The following TCTN2 variants were observed in gnomAD, a reference collection of about 807,000 sequenced individuals.
The protein encoded by TCTN2 is tectonic family member 2.
Under a neutral mutation model 83.4 loss-of-function variants are expected in TCTN2, and 66 were observed. The ratio of observed to expected loss-of-function variants is 0.79; its 90% CI spans 0.65 to 0.97. TCTN2 has a LOEUF of 0.97. Among genes scored for constraint, TCTN2 ranks in the 50% least tolerant of loss-of-function variants. TCTN2 has a pLI of 0.00. For synonymous variants in TCTN2, 301 were observed against 326.7 expected (o/e 0.92, Z 0.85); for missense variants, 794 against 858.1 (o/e 0.93, Z 0.93).
chr12:123,692,972 C>T (rs1486423912), intron 9 of TCTN2, among the ~76,000 whole-genome samples: 1 of 151,164 alleles, frequency 6.6e-6, no homozygotes, highest in African/African-American at 2.4e-5. Context: ...CCTTCTAGTT[C>T]CAGCTTCCGT....
chr12:123,701,942 G>T (rs1037548240), intron 14 of TCTN2, among the ~76,000 whole-genome samples: 2 of 152,126 alleles, frequency 1.3e-5, no homozygotes, highest in Non-Finnish European at 2.9e-5. Context: ...TCTTCATCAG[G>T]CCTGATTTCA....
At chr12:123,691,545 C>T (rs112177077) in intron 8 of TCTN2, among the ~76,000 whole-genome samples, 1,956 of 152,236 alleles carry the variant, frequency 0.013, 41 homozygotes, top group African/African-American at 0.044. Context: ...TTGTCCATTC[C>T]TCAGTTGATG....
intron 4 of TCTN2, among the ~76,000 whole-genome samples, chr12:123,678,488 A>T (rs957990111): frequency 2.6e-5 from 4 of 152,130 alleles, no homozygotes; most frequent in Admixed American, 6.5e-5. Flanking sequence ...GGGTTTCACT[A>T]TGTTGGCCAG....
rs1248930870 is a variant in TCTN2 at position 123,673,592 on chromosome 12, AT to A, written c.268-22del. 1.9e-6 allele frequency: 3 copies of A among 1,613,648 alleles called. No individual in the cohort carries two copies. The South Asian group carries it at 3.3e-5, about 18-fold the overall frequency. ...GACCCTGTTTTGAGTCACTTTAAAAATACAGCAATGTTTTCCTTTCAGAAGG... is the reference window on the plus strand; with the variant it reads ...GACCCTGTTTTGAGTCACTTTAAAAAACAGCAATGTTTTCCTTTCAGAAGG... On this transcript the variant is annotated intron_variant, in intron 3 of 17. Coordinates refer to ENST00000303372, the MANE Select transcript of TCTN2 (RefSeq NM_024809.5).
chr12:123,700,611 T>A (rs1166743810), intron 14 of TCTN2, among the ~76,000 whole-genome samples: 8 of 152,034 alleles, frequency 5.3e-5, no homozygotes, highest in South Asian at 2.1e-4. Flanking sequence ...TTGTATTTTT[T>A]AAATAGAGAC....
chr12:123,708,096 C>G lies in TCTN2; in HGVS notation c.*383C>G. ...AATCTCGGCTCACTGCAATCTCTGC[C>G]TCCCAAGCAATCCTCCCACCTCAGC... On this transcript the variant is annotated 3_prime_UTR_variant, in exon 18 of 18. Transcript: ENST00000303372. 4.0e-6 allele frequency: 1 copy of G among 249,814 alleles called. No individual in the cohort carries two copies. The highest frequency in any genetic ancestry group is 5.3e-5 in the Admixed American group (1 of 18,860). 15.5% of individuals were successfully genotyped at this position (249,814 alleles called of 1,614,324 possible).
At chr12:123,689,327 A>T (rs1436075934) in intron 7 of TCTN2, among the ~76,000 whole-genome samples, 1 of 151,974 alleles carries the variant, frequency 6.6e-6, no homozygotes, top group African/African-American at 2.4e-5. Context: ...ATGTGCTGGG[A>T]TTACAGGCTT....
At chr12:123,692,386 A>C (rs1314179840) in intron 8 of TCTN2, among the ~76,000 whole-genome samples, 1 of 152,206 alleles carries the variant, frequency 6.6e-6, no homozygotes, top group Non-Finnish European at 1.5e-5. Context: ...TATTGCCACC[A>C]GCAGTGAACT....
At chr12:123,683,648 A>AT (rs578140725) in intron 5 of TCTN2, among the ~76,000 whole-genome samples, 7 of 149,558 alleles carry the variant, frequency 4.7e-5, no homozygotes, top group African/African-American at 1.7e-4. Context: ...CACATTTAAA[A>AT]TTTTTTTTGA....
intron 14 of TCTN2, among the ~76,000 whole-genome samples, chr12:123,702,378 A>G (rs73418174): frequency 6.6e-6 from 1 of 152,104 alleles, no homozygotes; most frequent in Non-Finnish European, 1.5e-5. Flanking sequence ...ACAACGGCCC[A>G]TACAGACACA....
At chr12:123,705,913 C>T (rs187335247) in intron 15 of TCTN2, among the ~76,000 whole-genome samples, 3 of 148,494 alleles carry the variant, frequency 2.0e-5, no homozygotes, top group Admixed American at 1.4e-4. Flanking sequence ...TGTGGCACCT[C>T]GCCTGGCTAA....
chr12:123,692,889 C>T (rs1233329777), intron 9 of TCTN2, among the ~76,000 whole-genome samples, 166 bp downstream of exon 9: 1 of 152,104 alleles, frequency 6.6e-6, no homozygotes, highest in Admixed American at 6.6e-5. Context: ...TTCTGTCCTG[C>T]TGGGCTTTAG....
intron 5 of TCTN2, among the ~76,000 whole-genome samples, chr12:123,683,840 C>CACCTA (rs1259322451): frequency 6.6e-6 from 1 of 152,066 alleles, no homozygotes. Flanking sequence ...GGGGTTTCAC[C>CACCTA]GTATTAACTA....
chr12:123,693,587 G>A (rs1174669153), intron 9 of TCTN2, among the ~76,000 whole-genome samples: 2 of 150,314 alleles, frequency 1.3e-5, no homozygotes, highest in African/African-American at 4.9e-5. Context: ...CAAGTAGCTG[G>A]GATTACAGGT....
chr12:123,681,324 C>A (rs768923494), intron 5 of TCTN2, among the ~76,000 whole-genome samples: 6 of 151,780 alleles, frequency 4.0e-5, no homozygotes, highest in Non-Finnish European at 8.8e-5. Context: ...CACAGTTGTA[C>A]AACCATCACC....
intron 12 of TCTN2, 132 bp downstream of exon 12, chr12:123,696,627 G>A: frequency 1.2e-6 from 1 of 803,616 alleles, no homozygotes; most frequent in Non-Finnish European, 2.2e-6. Flanking sequence ...GGTACATGCT[G>A]CTGAATAACA....
intron 6 of TCTN2, 100 bp from the exon 7 acceptor site, chr12:123,687,951 G>A: frequency 6.6e-7 from 1 of 1,522,748 alleles, no homozygotes; most frequent in South Asian, 1.1e-5. Context: ...GTGACAGAGT[G>A]AGACTCCATC....
chr12:123,686,872 T>A lies in TCTN2; in HGVS notation c.601T>A (p.Ser201Thr). 6.2e-7 allele frequency: 1 copy of A among 1,614,214 alleles called. No individual in the cohort carries two copies. Among genetic ancestry groups the A allele is most frequent in the East Asian group, 2.2e-5 (1 of 44,884 alleles). The stretch of plus-strand genomic sequence containing the variant: ...AAATTTAACAACGCTGTTCAGACGG[T>A]CCTGCTTCACCGGCGTGTTTGGAGG... ...SSNLTTLFRR[S>T]CFTGVFGGDV... The change falls in exon 6 of 18, where the codon TCC becomes ACC. Residue 201 changes from serine (S) to threonine (T), a missense_variant. Coordinates refer to ENST00000303372, the MANE Select transcript of TCTN2 (RefSeq NM_024809.5).
chr12:123,700,730 C>T (rs537479011), intron 14 of TCTN2, among the ~76,000 whole-genome samples: 15 of 152,294 alleles, frequency 9.8e-5, no homozygotes, highest in South Asian at 4.1e-4. Context: ...CGTGCCAGGC[C>T]GAGGCCAGGA....
Sources: gnomAD v4.1 joint callset for allele counts (sites outside exome capture counted in the v4.1 genomes callset) on GRCh38, gnomAD v4.1.1 for gene constraint, MANE v1.5 for transcripts, NCBI Gene and HGNC (gene_info 2026-07-23, HGNC 2026-07-21) for gene names.